Variants in SYT16 observed in about 807,000 individuals in gnomAD.
SYT16 encodes synaptotagmin 16, also known as synaptotagmin-16.
SYT16 carries 42 observed loss-of-function variants against 61.4 expected under a neutral mutation model. That is an observed-to-expected ratio of 0.68 (90% CI 0.53 to 0.89). The LOEUF (loss-of-function observed/expected upper bound fraction) is 0.89. SYT16 is among the 40% of genes least tolerant of loss of function. The probability of loss-of-function intolerance (pLI) is 0.00; values close to 1 mark genes in which losing one functional copy is unlikely to be tolerated. For synonymous variants in SYT16, 314 were observed against 302.3 expected (o/e 1.04, Z -0.40); for missense variants, 804 against 807.3 (o/e 1.00, Z 0.05).
rs1473654277 is a variant in SYT16, at chr14:62,104,783, C to T, written c.*4076C>T. 3 of 152,130 alleles carry T rather than the reference C, an allele frequency of 2.0e-5. No homozygotes were observed. Among genetic ancestry groups the T allele is most frequent in the African/African-American group, 7.2e-5 (3 of 41,420 alleles). 9.4% of individuals were successfully genotyped at this position (152,130 alleles called of 1,614,324 possible). A position where few individuals can be genotyped will look rare whatever the true frequency, so the allele number is the denominator to read the frequency against. On this transcript the variant is annotated 3_prime_UTR_variant, in exon 8 of 8. Transcript: ENST00000683842. Reference sequence around the variant, plus strand: ...GGCCTTAAGAAAATTACTTAGCCAGCCTGTATCCTGGTTTCTTCAACTGGA... The same window carrying T: ...GGCCTTAAGAAAATTACTTAGCCAGTCTGTATCCTGGTTTCTTCAACTGGA...
At chr14:61,930,725 A>C (rs952058569) in intron 1 of SYT16, among the ~76,000 whole-genome samples, 6 of 151,974 alleles carry the variant, frequency 3.9e-5, no homozygotes, top group African/African-American at 1.2e-4. Context: ...AGGTGGGACC[A>C]ATATAATTAC....
At chr14:61,867,431 A>G (rs944658676) in intron 1 of SYT16, among the ~76,000 whole-genome samples, 2 of 152,058 alleles carry the variant, frequency 1.3e-5, no homozygotes, top group African/African-American at 2.4e-5. Flanking sequence ...GTTTGTGAGA[A>G]TTTTGCTAGT....
chr14:61,921,301 A>G (rs917852200), intron 1 of SYT16, among the ~76,000 whole-genome samples: 3 of 152,124 alleles, frequency 2.0e-5, no homozygotes, highest in African/African-American at 7.2e-5. Flanking sequence ...CCGGGGTGTC[A>G]CTTTGCCTCT....
At chr14:62,035,966 T>C (rs1270013) in intron 3 of SYT16, among the ~76,000 whole-genome samples, 40,671 of 152,028 alleles carry the variant, frequency 0.27, 5,564 homozygotes, top group Middle Eastern at 0.33. Flanking sequence ...GCTGACACTG[T>C]GCAAGCTATG....
At chr14:61,854,442 G>A (rs77498803) in intron 1 of SYT16, among the ~76,000 whole-genome samples, 1,551 of 152,292 alleles carry the variant, frequency 0.01, 24 homozygotes, top group African/African-American at 0.036. Context: ...GCGCGCACGC[G>A]CGTGCACATG....
intron 3 of SYT16, among the ~76,000 whole-genome samples, chr14:62,032,200 G>A (rs1331134667): frequency 2.0e-5 from 3 of 152,136 alleles, no homozygotes; most frequent in Non-Finnish European, 2.9e-5. Flanking sequence ...TAAAAGAAAA[G>A]AGGGAGAATG....
chr14:61,868,630 T>G (rs1385891859), intron 1 of SYT16, among the ~76,000 whole-genome samples: 1 of 152,038 alleles, frequency 6.6e-6, no homozygotes, highest in Non-Finnish European at 1.5e-5. Context: ...AACCTTTTTA[T>G]TATTGATTTC....
At chr14:61,886,880 C>CTTTTTTTT (rs371140698) in intron 1 of SYT16, among the ~76,000 whole-genome samples, 93 of 110,714 alleles carry the variant, frequency 8.4e-4, no homozygotes, top group Non-Finnish European at 1.1e-3. Flanking sequence ...TTTTTTTTGT[C>CTTTTTTTT]TTTTTTTTTT....
rs115199143 is a variant in SYT16, at chr14:61,877,234, T to C, written c.-325+64424T>C. On this transcript the variant is annotated intron_variant, in intron 1 of 7. Transcript: ENST00000683842. ...TGCAGTACTCCGCCTTTTGTCTGAATGGCAGGCATGTGATGGTTTGACATC... is the reference window on the plus strand; with the variant it reads ...TGCAGTACTCCGCCTTTTGTCTGAACGGCAGGCATGTGATGGTTTGACATC... Among the ~76,000 whole-genome samples, 553 of 152,254 alleles carry C rather than the reference T, an allele frequency of 3.6e-3. 2 individuals carry two copies. Among genetic ancestry groups the C allele is most frequent in the African/African-American group, 0.013 (533 of 41,532 alleles).
chr14:61,869,653 A>G (rs1004277926), intron 1 of SYT16, among the ~76,000 whole-genome samples: 1 of 152,202 alleles, frequency 6.6e-6, no homozygotes, highest in Non-Finnish European at 1.5e-5. Context: ...ATTGAAGCCT[A>G]ATGCCCAATG....
intron 3 of SYT16, among the ~76,000 whole-genome samples, chr14:62,009,399 A>G (rs917694619): frequency 4.6e-5 from 7 of 152,216 alleles, no homozygotes; most frequent in Non-Finnish European, 8.8e-5. Context: ...CCAAGTTTAC[A>G]AGAGGAAACT....
At chr14:61,964,759 T>C (rs964052489) in intron 1 of SYT16, among the ~76,000 whole-genome samples, 17 of 152,100 alleles carry the variant, frequency 1.1e-4, no homozygotes, top group African/African-American at 4.1e-4. Flanking sequence ...TGAGGCAAAC[T>C]TCATTGTTGT....
intron 1 of SYT16, among the ~76,000 whole-genome samples, chr14:61,863,804 G>A (rs57621068): frequency 0.053 from 7,981 of 152,002 alleles, 489 homozygotes; most frequent in African/African-American, 0.15. Flanking sequence ...TGAAATGTCT[G>A]TCTAGATTCA....
intron 2 of SYT16, among the ~76,000 whole-genome samples, chr14:61,988,864 C>A (rs2052429062): frequency 7.3e-6 from 1 of 137,064 alleles, no homozygotes; most frequent in African/African-American, 2.8e-5. Flanking sequence ...TTTCTAGTTT[C>A]TTCACTATCT....
chr14:61,824,084 T>C (rs2045699060), intron 1 of SYT16, among the ~76,000 whole-genome samples: 1 of 152,132 alleles, frequency 6.6e-6, no homozygotes, highest in Admixed American at 6.5e-5. Flanking sequence ...AAGAGAAGAG[T>C]CTGAACTCAC....
At position 62,075,158 on chromosome 14, in the gene SYT16, C is replaced by T. The variant is rs201271787; in HGVS notation, c.760C>T (p.Arg254Cys). Residue 254 changes from arginine (R) to cysteine (C), a missense_variant, in exon 5 of 8, where the codon CGT (arginine) becomes TGT (cysteine). By Grantham distance (180) the Arg-to-Cys change is radical. Transcript: ENST00000683842. ...AGATTTGGATGGAGCCAGCCAACGG[C>T]GTTATTCTGAGAATCTCTCCTACGG... ...CEDLDGASQRRYSENLSYGED... is the reference protein window; with the variant it reads ...CEDLDGASQRCYSENLSYGED... 4.9e-5 allele frequency: 79 copies of T among 1,611,208 alleles called. No individual in the cohort carries two copies. In the African/African-American group the frequency reaches 8.5e-4, roughly 17 times the overall value.
At chr14:62,010,057 A>C (rs1170662540) in intron 3 of SYT16, among the ~76,000 whole-genome samples, 2 of 152,192 alleles carry the variant, frequency 1.3e-5, no homozygotes, top group Admixed American at 6.6e-5. Flanking sequence ...TGTTGAAATA[A>C]TTTCTGCTTC....
chr14:62,018,774 G>A (rs554891155), intron 3 of SYT16, among the ~76,000 whole-genome samples: 3 of 152,120 alleles, frequency 2.0e-5, no homozygotes, highest in South Asian at 2.1e-4. Flanking sequence ...GAATGTAAAC[G>A]GTACCTCCCT....
chr14:61,912,171 A>G (rs1426066665), intron 1 of SYT16, among the ~76,000 whole-genome samples: 3 of 152,220 alleles, frequency 2.0e-5, no homozygotes, highest in Admixed American at 2.0e-4. Flanking sequence ...TACATGTCCC[A>G]TGCTGGGAGA....
Sources: allele counts gnomAD v4.1 joint callset (sites outside exome capture counted in the v4.1 genomes callset), GRCh38; gene constraint gnomAD v4.1.1; transcripts MANE v1.5; gene names NCBI Gene and HGNC (gene_info 2026-07-23, HGNC 2026-07-21).